S100A7A: variants seen among roughly 807,000 people sequenced by gnomAD.
S100A7A encodes the protein S100 calcium binding protein A7A, also known as protein S100-A7A.
A neutral mutation model predicts 4.0 loss-of-function variants in S100A7A; 5 were observed. The observed-to-expected ratio is 1.26, with a 90% CI of 0.66 to 2.66. S100A7A has a LOEUF of 2.66. Among genes scored for constraint, S100A7A ranks in the 30% most tolerant of loss-of-function variants. The probability of loss-of-function intolerance (pLI) is 0.01; values close to 1 mark genes in which losing one functional copy is unlikely to be tolerated. For synonymous variants in S100A7A, 52 were observed against 46.4 expected, an observed-to-expected ratio of 1.12 and a Z score of -0.49; for missense variants, 159 against 125.1, an observed-to-expected ratio of 1.27 and a Z score of -1.29.
In S100A7A at chr1:153,419,656, G is replaced by T; in HGVS notation, c.*347G>T. 3.4e-6 allele frequency: 1 copy of T among 292,778 alleles called. No individual in the cohort carries two copies. Among genetic ancestry groups the T allele is most frequent in the Non-Finnish European group, 6.4e-6 (1 of 156,358 alleles). The allele number at this position is 292,778 out of a possible 1,614,324, so 18.1% of individuals were successfully genotyped here. On this transcript the variant is annotated 3_prime_UTR_variant, in exon 3 of 3. Coordinates refer to ENST00000368729, the MANE Select transcript of S100A7A (RefSeq NM_176823.4). Reference sequence around the variant, plus strand: ...GTCACAGCAATGCTCTCCTTGTCAAGGCATGGACCAGGGTCATTCAGACAC... The same window carrying T: ...GTCACAGCAATGCTCTCCTTGTCAATGCATGGACCAGGGTCATTCAGACAC...
At position 153,419,539 on chromosome 1, in the gene S100A7A, C is replaced by T; in HGVS notation, c.*230C>T. On this transcript the variant is annotated 3_prime_UTR_variant, in exon 3 of 3. Transcript: ENST00000368729. ...CCTCCAGCAGAGCTGATCTGCCTCT[C>T]ACACAGGTCCTGGTGTCTGCCTCTG... 1 of 577,960 alleles carries T rather than the reference C, an allele frequency of 1.7e-6. No individual in the cohort carries two copies. The highest frequency in any genetic ancestry group is 3.1e-6 in the Non-Finnish European group (1 of 327,404). 35.8% of individuals were successfully genotyped at this position (577,960 alleles called of 1,614,324 possible). A position where few individuals can be genotyped will look rare whatever the true frequency, so the allele number is the denominator to read the frequency against.
Position 153,419,204 on chromosome 1 carries a change from TAAG to T in S100A7A, c.206_208del (p.Lys69del). ...TTGAGAAAAAGGACAAGAATGAGGA[TAAG>T]AAGATTGATTTTTCTGAGTTTCTGT... On this transcript the variant is annotated inframe_deletion, in exon 3 of 3. Coordinates refer to ENST00000368729, the MANE Select transcript of S100A7A (RefSeq NM_176823.4). 4 of 1,614,200 alleles carry T rather than the reference TAAG, an allele frequency of 2.5e-6. No individual in the cohort carries two copies. Among genetic ancestry groups the T allele is most frequent in the Middle Eastern group, 3.3e-4 (2 of 6,062 alleles).
rs1302551560 is a variant in S100A7A at position 153,421,976 on chromosome 1, C to T, written c.*2667C>T. The T allele has an allele frequency of 6.6e-6, 1 of 152,252 alleles. No individual in the cohort carries two copies. Among genetic ancestry groups the T allele is most frequent in the Non-Finnish European group, 1.5e-5 (1 of 68,056 alleles). 9.4% of individuals were successfully genotyped at this position (152,252 alleles called of 1,614,324 possible). On this transcript the variant is annotated 3_prime_UTR_variant, in exon 3 of 3. Coordinates refer to ENST00000368729, the MANE Select transcript of S100A7A (RefSeq NM_176823.4). ...TATTTCACACTCTCCATGCTTATGTCAATGCAGGACTCATCACATCTATTC... is the reference window on the plus strand; with the variant it reads ...TATTTCACACTCTCCATGCTTATGTTAATGCAGGACTCATCACATCTATTC...
At position 153,419,347 on chromosome 1, in the gene S100A7A, C is replaced by T. The variant is rs1463762983; in HGVS notation, c.*38C>T. ...AAGGGGCCTCCAGAGACCCCAGGAA[C>T]AATAAGTGTCTCCTCCCACCAGACA... is the stretch of plus-strand genomic sequence containing the variant. On this transcript the variant is annotated 3_prime_UTR_variant, in exon 3 of 3. Transcript: ENST00000368729. 3 of 1,585,984 alleles carry T rather than the reference C, an allele frequency of 1.9e-6. No individual in the cohort carries two copies. Among genetic ancestry groups the T allele is most frequent in the African/African-American group, 2.7e-5 (2 of 73,690 alleles).
rs1662881572 is a variant in S100A7A at position 153,420,851 on chromosome 1, C to T, written c.*1542C>T. On this transcript the variant is annotated 3_prime_UTR_variant, in exon 3 of 3. Coordinates refer to ENST00000368729, the MANE Select transcript of S100A7A (RefSeq NM_176823.4). ...TCTATGCAGCCTGCCCTCCATCATC[C>T]ACCCCAGAATTGCTCTCTTTCCTCT... The T allele has an allele frequency of 6.6e-6, 1 of 152,354 alleles. No homozygotes were observed. Among genetic ancestry groups the T allele is most frequent in the South Asian group, 2.1e-4 (1 of 4,824 alleles). 9.4% of individuals were successfully genotyped at this position (152,354 alleles called of 1,614,324 possible). A position where few individuals can be genotyped will look rare whatever the true frequency, so the allele number is the denominator to read the frequency against.
At chr1:153,417,925 CCATCA>C in intron 1 of S100A7A, 136 bp from the exon 2 acceptor site, 2 of 990,448 alleles carry the variant, frequency 2.0e-6, no homozygotes, top group Non-Finnish European at 2.8e-6. Context: ...ACAACTTATC[CCATCA>C]CATTTAAAAA....
intron 1 of S100A7A, 74 bp from the exon 2 acceptor site, chr1:153,417,992 C>T (rs1662772563): frequency 5.7e-6 from 9 of 1,567,906 alleles, no homozygotes; most frequent in Non-Finnish European, 7.0e-6. Flanking sequence ...TGTCCTCAGC[C>T]CTCCTTCTAA....
chr1:153,418,500 G>A (rs1441336696), intron 2 of S100A7A, among the ~76,000 whole-genome samples: 2 of 152,064 alleles, frequency 1.3e-5, no homozygotes, highest in African/African-American at 4.8e-5. Flanking sequence ...AGCGCTCACT[G>A]ACCCTCTCTC....
chr1:153,418,750 G>A (rs1374502345), intron 2 of S100A7A, among the ~76,000 whole-genome samples: 3 of 152,186 alleles, frequency 2.0e-5, no homozygotes, highest in Non-Finnish European at 4.4e-5. Flanking sequence ...GAGAAGAAAG[G>A]AGAGGAGGTC....
intron 2 of S100A7A, among the ~76,000 whole-genome samples, chr1:153,418,583 G>A (rs1662801561): frequency 6.6e-6 from 1 of 152,094 alleles, no homozygotes; most frequent in South Asian, 2.1e-4. Flanking sequence ...AGATTACTGG[G>A]AAAGCACTAG....
At chr1:153,418,806 G>T (rs1160214385) in intron 2 of S100A7A, among the ~76,000 whole-genome samples, 1 of 152,148 alleles carries the variant, frequency 6.6e-6, no homozygotes, top group Admixed American at 6.5e-5. Flanking sequence ...TGAGGCCCTG[G>T]GGTAGAACTA....
rs1662783966 is a variant in S100A7A at position 153,418,163 on chromosome 1, T to A, written c.81T>A (p.Ile27=). 1.2e-6 allele frequency: 2 copies of A among 1,613,940 alleles called. No homozygotes were observed. Among genetic ancestry groups the A allele is most frequent in the Admixed American group, 3.3e-5 (2 of 59,998 alleles). ...FHKYTGRDGK[I]EKPSLLTMMK... is the part of the protein sequence containing the mutation. Reference sequence around the variant, plus strand: ...AATACACCGGACGTGATGGCAAGATTGAGAAGCCAAGCCTGCTGACGATGA... The same window carrying A: ...AATACACCGGACGTGATGGCAAGATAGAGAAGCCAAGCCTGCTGACGATGA... Residue 27 remains isoleucine (I), a synonymous_variant, in exon 2 of 3, where the codon ATT becomes ATA. Coordinates refer to ENST00000368729, the MANE Select transcript of S100A7A (RefSeq NM_176823.4).
intron 1 of S100A7A, among the ~76,000 whole-genome samples, chr1:153,417,715 G>A (rs934030109): frequency 6.6e-6 from 1 of 152,196 alleles, no homozygotes; most frequent in Non-Finnish European, 1.5e-5. Context: ...GCTGTTTCAA[G>A]AGTGGGGTCC....
chr1:153,419,298 G>GGAAGCCAGTGATCCAGCCCCACCA lies in S100A7A; in HGVS notation c.296_*13dup. 6.2e-7 allele frequency: 1 copy of GGAAGCCAGTGATCCAGCCCCACCA among 1,614,048 alleles called. No homozygotes were observed. The highest frequency in any genetic ancestry group is 8.5e-7 in the Non-Finnish European group (1 of 1,179,974). On this transcript the variant is annotated stop_gained and inframe_insertion, in exon 3 of 3. Coordinates refer to ENST00000368729, the MANE Select transcript of S100A7A (RefSeq NM_176823.4). LOFTEE classifies it high-confidence loss of function. ...CCATGGAGCGGCGCCCTGTTCTGGG[G>GGAAGCCAGTGATCCAGCCCCACCA]GAAGCCAGTGATCCAGCCCCACCAA...
rs1362452745 is a variant in S100A7A at position 153,421,497 on chromosome 1, T to C, written c.*2188T>C. On this transcript the variant is annotated 3_prime_UTR_variant, in exon 3 of 3. Coordinates refer to ENST00000368729, the MANE Select transcript of S100A7A (RefSeq NM_176823.4). ...CTCTATATCATTTTTCAATATAAAA[T>C]GTATTTGTGCAAATTCTAGTCAATA... is the stretch of plus-strand genomic sequence containing the variant. 6.6e-6 allele frequency: 1 copy of C among 152,228 alleles called. No homozygotes were observed. Among genetic ancestry groups the C allele is most frequent in the African/African-American group, 2.4e-5 (1 of 41,450 alleles). The allele number at this position is 152,228 out of a possible 1,614,324, so 9.4% of individuals were successfully genotyped here.
chr1:153,417,913 G>A, intron 1 of S100A7A, 153 bp from the exon 2 acceptor site: 1 of 965,400 alleles, frequency 1.0e-6, no homozygotes, highest in Non-Finnish European at 1.5e-6. Flanking sequence ...TCTCATTTTT[G>A]AACAACTTAT....
At chr1:153,417,165 T>A (rs1662741583) in intron 1 of S100A7A, 1 of 152,330 alleles carries the variant, frequency 6.6e-6, no homozygotes. Flanking sequence ...TTAGCCAAGG[T>A]CCTTTTCTGG....
intron 1 of S100A7A, among the ~76,000 whole-genome samples, chr1:153,417,024 C>T (rs1557856752): frequency 2.6e-5 from 4 of 152,272 alleles, no homozygotes; most frequent in Non-Finnish European, 1.5e-5. Flanking sequence ...GGGCACAGGG[C>T]TTGGCCTCTG....
Position 153,419,320 on chromosome 1 carries a change from C to A in S100A7A, c.*11C>A, listed in dbSNP as rs376482233. 5.5e-5 allele frequency: 88 copies of A among 1,611,900 alleles called. No individual in the cohort carries two copies. The highest frequency in any genetic ancestry group is 7.0e-5 in the Non-Finnish European group (83 of 1,179,142). On this transcript the variant is annotated 3_prime_UTR_variant, in exon 3 of 3. Coordinates refer to ENST00000368729, the MANE Select transcript of S100A7A (RefSeq NM_176823.4). ...GGGGGAAGCCAGTGATCCAGCCCCACCAAGGGGCCTCCAGAGACCCCAGGA... is the reference window on the plus strand; with the variant it reads ...GGGGGAAGCCAGTGATCCAGCCCCAACAAGGGGCCTCCAGAGACCCCAGGA...
Sources: allele counts gnomAD v4.1 joint callset (sites outside exome capture counted in the v4.1 genomes callset), GRCh38; gene constraint gnomAD v4.1.1; transcripts MANE v1.5; gene names NCBI Gene and HGNC (gene_info 2026-07-23, HGNC 2026-07-21).